IRF3: variants seen among roughly 807,000 people sequenced by gnomAD.
IRF3 encodes interferon regulatory factor 3.
In IRF3, 29 loss-of-function variants were observed where a neutral mutation model predicts 43.2. The observed-to-expected ratio is 0.67, with a 90% confidence interval of 0.50 to 0.91. IRF3 has a LOEUF of 0.91. Among genes scored for constraint, IRF3 ranks in the 40% least tolerant of loss-of-function variants. The pLI, the probability that IRF3 is intolerant of heterozygous loss-of-function variation, is 0.00. For synonymous variants in IRF3, 228 were observed against 233.9 expected, an observed-to-expected ratio of 0.97 and a Z score of 0.23; for missense variants, 505 against 559.1, an observed-to-expected ratio of 0.90 and a Z score of 0.98.
In IRF3 at chr19:49,662,265, C is replaced by T. The variant is rs757004304; in HGVS notation, c.665G>A (p.Cys222Tyr). The change falls in exon 6 of 8, where the codon TGC becomes TAC. Residue 222 changes from cysteine to tyrosine, a missense_variant. Physicochemically the swap from Cys to Tyr is radical, Grantham distance 194 (BLOSUM62 -2). Transcript: ENST00000377139. Reference protein sequence around the residue: ...GRQVFQQTISCPEGLRLVGSE... With the variant: ...GRQVFQQTISYPEGLRLVGSE... ...CCCCACCAGCCGCAGGCCCTCCGGG[C>T]AGGAGATGGTCTGCTGGAAGACTTG... 1.9e-6 allele frequency: 3 copies of T among 1,613,830 alleles called. No homozygotes were observed. The South Asian group carries it at 3.3e-5, about 18-fold the overall frequency.
rs57168131 is a variant in IRF3, at chr19:49,660,027, A to ACACC, written c.1099-195_1099-194insGGTG. Among the ~76,000 whole-genome samples, 302 of 74,748 alleles carry ACACC rather than the reference A, an allele frequency of 4.0e-3. 2 individuals carry two copies. Among genetic ancestry groups the ACACC allele is most frequent in the Non-Finnish European group, 5.2e-3 (213 of 41,332 alleles). The allele number at this position is 74,748 out of a possible 152,430, so 49.0% of individuals were successfully genotyped here. A position where few individuals can be genotyped will look rare whatever the true frequency, so the allele number is the denominator to read the frequency against. On this transcript the variant is annotated intron_variant, in intron 7 of 7. Transcript: ENST00000377139. ...CACACACACACACACACACACACACACCCCCTGCTGTAACTGAACCATAGG... is the reference window on the plus strand; with the variant it reads ...CACACACACACACACACACACACACACACCCCCCCTGCTGTAACTGAACCATAGG...
Position 49,660,767 on chromosome 19 carries a change from C to A in IRF3, c.1044G>T (p.Val348=), listed in dbSNP as rs143300874. ...GCTGGTCCTGGGGCCATGACTCCCC[C>A]ACACAGAACCAGAGGGCATAGCGTG... is the stretch of plus-strand genomic sequence containing the variant. ...RSPRYALWFC[V]GESWPQDQPW... Residue 348 remains valine (V), a synonymous_variant, in exon 7 of 8, where the codon GTG becomes GTT. Coordinates refer to ENST00000377139, the MANE Select transcript of IRF3 (RefSeq NM_001571.6). The A allele has an allele frequency of 6.2e-7, 1 of 1,611,042 alleles. No homozygotes were observed. Among genetic ancestry groups the A allele is most frequent in the East Asian group, 2.2e-5 (1 of 44,810 alleles).
At position 49,665,830 on chromosome 19, in the gene IRF3, C is replaced by CGGCCCGCTGGGCT. The variant is rs750051880; in HGVS notation, c.-221_-209dup. 1.9e-6 allele frequency: 3 copies of CGGCCCGCTGGGCT among 1,590,478 alleles called. No individual in the cohort carries two copies. Among genetic ancestry groups the CGGCCCGCTGGGCT allele is most frequent in the African/African-American group, 1.3e-5 (1 of 74,544 alleles). ...GTAACAGACCCAAAAGCCGATGGGA[C>CGGCCCGCTGGGCT]GGCCCGCTGGGCTGTTCCCGCCCCT... On this transcript the variant is annotated 5_prime_UTR_variant, in exon 1 of 8. Transcript: ENST00000377139.
chr19:49,664,472 T>C (rs765377162), intron 2 of IRF3: 1 of 1,534,278 alleles, frequency 6.5e-7, no homozygotes, highest in South Asian at 1.2e-5. Context: ...CCCGTAACCC[T>C]GCAGCTCCAA....
chr19:49,665,683 A>C lies in IRF3; in HGVS notation c.-61T>G. On this transcript the variant is annotated 5_prime_UTR_variant, in exon 1 of 8. Coordinates refer to ENST00000377139, the MANE Select transcript of IRF3 (RefSeq NM_001571.6). ...CAGCTGGAACCCACCCCTGTCTTGG[A>C]GCTCCGGGTAGCTCTCAAACTCGAG... 1 of 1,173,406 alleles carries C rather than the reference A, an allele frequency of 8.5e-7. No homozygotes were observed. Among genetic ancestry groups the C allele is most frequent in the African/African-American group, 1.5e-5 (1 of 64,854 alleles). 72.7% of individuals were successfully genotyped at this position (1,173,406 alleles called of 1,614,324 possible).
At chr19:49,665,463 TC>T (rs2081652519) in intron 1 of IRF3, 167 bp downstream of exon 1, 1 of 208,786 alleles carries the variant, frequency 4.8e-6, no homozygotes, top group Non-Finnish European at 9.9e-6. Context: ...CCCTACTTTT[TC>T]TAGTTTTTCT....
rs767806494 is a variant in IRF3 at position 49,660,791 on chromosome 19, T to C, written c.1020A>G (p.Pro340=). ...ITFTEGSGRS[P]RYALWFCVGE... is the part of the protein sequence containing the mutation. ...CCACACAGAACCAGAGGGCATAGCG[T>C]GGTGAGCGTCCGCTTCCTTCCGTGA... The change falls in exon 7 of 8, where the codon CCA becomes CCG. Residue 340 remains proline, a synonymous_variant. Transcript: ENST00000377139. 3 of 1,609,700 alleles carry C rather than the reference T, an allele frequency of 1.9e-6. No individual in the cohort carries two copies. The South Asian group carries it at 3.3e-5, about 18-fold the overall frequency.
intron 7 of IRF3, among the ~76,000 whole-genome samples, chr19:49,660,093 AACACAC>A (rs140415851): frequency 7.7e-6 from 1 of 130,592 alleles, no homozygotes; most frequent in African/African-American, 3.4e-5. Context: ...CACACACACA[AACACAC>A]ACACACACAC....
chr19:49,665,689 G>C lies in IRF3; in HGVS notation c.-67C>G, dbSNP rs1193357460. ...GAACCCACCCCTGTCTTGGAGCTCC[G>C]GGTAGCTCTCAAACTCGAGGCTGCG... On this transcript the variant is annotated 5_prime_UTR_variant, in exon 1 of 8. Coordinates refer to ENST00000377139, the MANE Select transcript of IRF3 (RefSeq NM_001571.6). 7 of 1,233,740 alleles carry C rather than the reference G, an allele frequency of 5.7e-6. No homozygotes were observed. The highest frequency in any genetic ancestry group is 2.4e-5 in the Admixed American group (1 of 41,630). The allele number at this position is 1,233,740 out of a possible 1,614,324, so 76.4% of individuals were successfully genotyped here. A position where few individuals can be genotyped will look rare whatever the true frequency, so the allele number is the denominator to read the frequency against.
chr19:49,662,087 G>C lies in IRF3; in HGVS notation c.843C>G (p.Leu281=). Residue 281 remains leucine (L), a synonymous_variant, in exon 6 of 8, where the codon CTC becomes CTG. Coordinates refer to ENST00000377139, the MANE Select transcript of IRF3 (RefSeq NM_001571.6). ...GLALWRAGQW[L]WAQRLGHCHT... Reference sequence around the variant, plus strand: ...GGCAGTGCCCCAGCCGCTGGGCCCAGAGCCACTGCCCGGCCCGCCAGAGAG... The same window carrying C: ...GGCAGTGCCCCAGCCGCTGGGCCCACAGCCACTGCCCGGCCCGCCAGAGAG... 5 of 1,613,766 alleles carry C rather than the reference G, an allele frequency of 3.1e-6. No individual in the cohort carries two copies. The highest frequency in any genetic ancestry group is 4.2e-6 in the Non-Finnish European group (5 of 1,179,792).
chr19:49,661,671 C>T (rs1189045729), intron 6 of IRF3: 1 of 349,890 alleles, frequency 2.9e-6, no homozygotes, highest in Non-Finnish European at 5.2e-6. Context: ...TCTCCGCCTC[C>T]TGGGTTCAAG....
chr19:49,663,823 G>A (rs1568463020), intron 2 of IRF3: 1 of 343,106 alleles, frequency 2.9e-6, no homozygotes, highest in East Asian at 7.4e-5. Context: ...AGCCTCCTGA[G>A]TAGCTGGGAT....
chr19:49,660,027 A>ACACACACACACCC (rs57168131), intron 7 of IRF3, among the ~76,000 whole-genome samples, 194 bp from the exon 8 acceptor site: 1 of 74,712 alleles, frequency 1.3e-5, no homozygotes, highest in Admixed American at 1.4e-4. Context: ...ACACACACAC[A>ACACACACACACCC]CCCCCTGCTG....
Position 49,665,673 on chromosome 19 carries a change from C to A in IRF3, c.-51G>T, listed in dbSNP as rs973633918. 30 of 1,083,860 alleles carry A rather than the reference C, an allele frequency of 2.8e-5. No homozygotes were observed. The highest frequency in any genetic ancestry group is 3.9e-5 in the Non-Finnish European group (30 of 766,678). The allele number at this position is 1,083,860 out of a possible 1,614,324, so 67.1% of individuals were successfully genotyped here. Reference sequence around the variant, plus strand: ...GGCGTGCGGGCAGCTGGAACCCACCCCTGTCTTGGAGCTCCGGGTAGCTCT... The same window carrying A: ...GGCGTGCGGGCAGCTGGAACCCACCACTGTCTTGGAGCTCCGGGTAGCTCT... On this transcript the variant is annotated 5_prime_UTR_variant, in exon 1 of 8. Coordinates refer to ENST00000377139, the MANE Select transcript of IRF3 (RefSeq NM_001571.6).
chr19:49,663,603 C>G, intron 2 of IRF3, 89 bp from the exon 3 acceptor site: 1 of 1,276,296 alleles, frequency 7.8e-7, no homozygotes, highest in South Asian at 1.4e-5. Context: ...GTCCTAACAC[C>G]ACCCTCTTTC....
rs1285048247 is a variant in IRF3 at position 49,661,973 on chromosome 19, C to T, written c.957G>A (p.Val319=). ...GEVPKDKEGG[V]FDLGPFIVDL... is the part of the protein sequence containing the mutation. ...CTACAATGAAGGGCCCCAGGTCAAA[C>T]ACGCCTCCTTCCTTGTCCTTGGGGA... Residue 319 remains valine, a synonymous_variant, in exon 6 of 8, where the codon GTG becomes GTA. Coordinates refer to ENST00000377139, the MANE Select transcript of IRF3 (RefSeq NM_001571.6). 3 of 1,611,516 alleles carry T rather than the reference C, an allele frequency of 1.9e-6. No homozygotes were observed. The highest frequency in any genetic ancestry group is 1.3e-5 in the African/African-American group (1 of 74,984).
At position 49,662,467 on chromosome 19, in the gene IRF3, GC is replaced by G; in HGVS notation, c.558del (p.Ser188LeufsTer5). 4 of 1,594,144 alleles carry G rather than the reference GC, an allele frequency of 2.5e-6. No homozygotes were observed. Among genetic ancestry groups the G allele is most frequent in the Admixed American group, 1.8e-5 (1 of 55,870 alleles). ...LDNPTPFPNL[G>X]PSENPLKRLL... ...AGCCGCTTCAGTGGGTTCTCAGAGG[GC>G]CCCAGGTTTGGGAAGGGAGTGGGAT... On this transcript the variant is annotated frameshift_variant, in exon 5 of 8. Coordinates refer to ENST00000377139, the MANE Select transcript of IRF3 (RefSeq NM_001571.6). LOFTEE classifies it high-confidence loss of function.
chr19:49,660,588 T>A (rs897327358), intron 7 of IRF3, 125 bp downstream of exon 7: 3 of 978,844 alleles, frequency 3.1e-6, no homozygotes, highest in African/African-American at 1.7e-5. Context: ...AAAAACTGGT[T>A]ATTGCAGAGA....
intron 7 of IRF3, among the ~76,000 whole-genome samples, chr19:49,660,477 A>G (rs965705520): frequency 1.3e-5 from 2 of 152,186 alleles, no homozygotes; most frequent in African/African-American, 4.8e-5. Flanking sequence ...ATTATCTTCC[A>G]TGAGACTGGT....
Sources: allele counts gnomAD v4.1 joint callset (sites outside exome capture counted in the v4.1 genomes callset), GRCh38; gene constraint gnomAD v4.1.1; transcripts MANE v1.5; gene names NCBI Gene and HGNC (gene_info 2026-07-23, HGNC 2026-07-21).